SLC44A5: variants seen among roughly 807,000 people sequenced by gnomAD.
SLC44A5 encodes choline transporter-like protein 5.
Under a neutral mutation model 101.8 loss-of-function variants are expected in SLC44A5, and 57 were observed. That is an observed-to-expected ratio of 0.56 (90% confidence interval 0.45 to 0.70). The LOEUF is 0.70. Ranked by LOEUF, SLC44A5 falls within the 30% of genes least tolerant of loss-of-function variation. The pLI is 0.00. For synonymous variants in SLC44A5, 281 were observed against 290.9 expected (o/e 0.97, Z 0.35); for missense variants, 737 against 853.1 (o/e 0.86, Z 1.70).
At chr1:75,488,537 T>A (rs1262246858) in intron 2 of SLC44A5, among the ~76,000 whole-genome samples, 1 of 152,230 alleles carries the variant, frequency 6.6e-6, no homozygotes, top group Non-Finnish European at 1.5e-5. Flanking sequence ...AGTACTGAGT[T>A]AATTTGTGTC....
At chr1:75,606,655 A>G (rs1302100529) in intron 1 of SLC44A5, among the ~76,000 whole-genome samples, 1 of 151,974 alleles carries the variant, frequency 6.6e-6, no homozygotes, top group East Asian at 1.9e-4. Context: ...CACTCAAAGC[A>G]TCATTGCCAC....
intron 2 of SLC44A5, among the ~76,000 whole-genome samples, chr1:75,472,920 TC>T (rs1667187319): frequency 1.3e-5 from 2 of 152,194 alleles, no homozygotes; most frequent in Admixed American, 6.5e-5. Context: ...CATATTATAA[TC>T]TTTGTGGGAT....
the SLC44A5 span, among the ~76,000 whole-genome samples, chr1:75,646,997 G>T: frequency 6.6e-6 from 1 of 152,228 alleles, no homozygotes; most frequent in Non-Finnish European, 1.5e-5. Flanking sequence ...GTAATGAGGA[G>T]CCCAATGTTA....
the SLC44A5 span, among the ~76,000 whole-genome samples, chr1:75,673,686 C>T: frequency 6.6e-6 from 1 of 152,150 alleles, no homozygotes; most frequent in Admixed American, 6.5e-5. Context: ...GTGCTTGTGC[C>T]ATCCTTCCCC....
intron 3 of SLC44A5, among the ~76,000 whole-genome samples, chr1:75,392,720 G>A (rs115647849): frequency 0.017 from 2,598 of 152,128 alleles, 81 homozygotes; most frequent in African/African-American, 0.059. Context: ...TATTGCACCA[G>A]GATTCACAAT....
At chr1:75,280,583 T>G (rs1163989376) in intron 5 of SLC44A5, among the ~76,000 whole-genome samples, 2 of 147,588 alleles carry the variant, frequency 1.4e-5, no homozygotes, top group African/African-American at 5.0e-5. Context: ...GGTCTGGCCT[T>G]GTGTCCCCAC....
At chr1:75,681,909 G>C in the SLC44A5 span, among the ~76,000 whole-genome samples, 2 of 152,218 alleles carry the variant, frequency 1.3e-5, no homozygotes, top group Non-Finnish European at 2.9e-5. Flanking sequence ...CTTCAGCAAA[G>C]TCTCAGGATA....
chr1:75,590,320 A>C, intron 1 of SLC44A5, among the ~76,000 whole-genome samples: 1 of 152,118 alleles, frequency 6.6e-6, no homozygotes, highest in East Asian at 1.9e-4. Context: ...CTGGGCCAGA[A>C]GGTAATCTGC....
chr1:75,309,986 A>T (rs540318257), intron 4 of SLC44A5, among the ~76,000 whole-genome samples: 25 of 152,354 alleles, frequency 1.6e-4, no homozygotes, highest in African/African-American at 5.8e-4. Flanking sequence ...CAGCATTACT[A>T]GTAACAATAG....
At chr1:75,606,075 C>T (rs1375032630) in intron 1 of SLC44A5, among the ~76,000 whole-genome samples, 2 of 151,960 alleles carry the variant, frequency 1.3e-5, no homozygotes, top group African/African-American at 4.8e-5. Flanking sequence ...GGTTGAGAAG[C>T]ATTAGGCTAG....
At chr1:75,312,293 T>C (rs915031013) in intron 4 of SLC44A5, among the ~76,000 whole-genome samples, 1 of 152,130 alleles carries the variant, frequency 6.6e-6, no homozygotes, top group African/African-American at 2.4e-5. Context: ...GGTATGTCTT[T>C]ATTAATAGCA....
intron 1 of SLC44A5, among the ~76,000 whole-genome samples, chr1:75,567,315 G>C (rs1672840537): frequency 6.6e-6 from 1 of 152,142 alleles, no homozygotes; most frequent in South Asian, 2.1e-4. Flanking sequence ...TAGACGTCCT[G>C]TCCTGGCATT....
At chr1:75,272,247 T>C (rs1651537020) in intron 6 of SLC44A5, among the ~76,000 whole-genome samples, 1 of 152,152 alleles carries the variant, frequency 6.6e-6, no homozygotes, top group Non-Finnish European at 1.5e-5. Context: ...GCAAATACTT[T>C]CTCCCACTCT....
intron 4 of SLC44A5, 112 bp downstream of exon 4, chr1:75,339,470 C>T: frequency 1.3e-6 from 1 of 751,248 alleles, no homozygotes; most frequent in Non-Finnish European, 2.2e-6. Flanking sequence ...ATATCATTTT[C>T]CCCTCACAGT....
chr1:75,271,000 C>A (rs1651421638), intron 6 of SLC44A5, among the ~76,000 whole-genome samples: 1 of 152,074 alleles, frequency 6.6e-6, no homozygotes, highest in South Asian at 2.1e-4. Context: ...CCACTTGGTG[C>A]TCTCTTTGTC....
intron 2 of SLC44A5, among the ~76,000 whole-genome samples, chr1:75,432,055 CT>C (rs919682350): frequency 1.3e-5 from 2 of 152,106 alleles, no homozygotes; most frequent in African/African-American, 4.8e-5. Context: ...ATAGGATTCC[CT>C]TGTGACTCCT....
the SLC44A5 span, among the ~76,000 whole-genome samples, chr1:75,616,395 C>T: frequency 1.3e-5 from 2 of 152,236 alleles, no homozygotes; most frequent in South Asian, 4.1e-4. Flanking sequence ...CATCTGGGGC[C>T]GGGAAGGAGA....
In SLC44A5 at chr1:75,225,367, T is replaced by G. The variant is rs536140119; in HGVS notation, c.985+2359A>C. 3.3e-4 allele frequency among the ~76,000 whole-genome samples: 50 copies of G among 152,266 alleles called. 1 individual carries two copies. The highest frequency in any genetic ancestry group is 1.2e-3 in the African/African-American group (48 of 41,566). On this transcript the variant is annotated intron_variant, in intron 13 of 23. Transcript: ENST00000370859. ...TATGATGTTTACACAATGAAAAAAT[T>G]GCCTAACAATGCATTTCTCAGAACG...
upstream of SLC44A5, among the ~76,000 whole-genome samples, chr1:75,614,751 T>C (rs1285457032): frequency 6.6e-6 from 1 of 152,128 alleles, no homozygotes; most frequent in Non-Finnish European, 1.5e-5. Flanking sequence ...ATTGGGCCCA[T>C]TGTGTTGAAA....
Sources: allele counts gnomAD v4.1 joint callset (sites outside exome capture counted in the v4.1 genomes callset), GRCh38; gene constraint gnomAD v4.1.1; transcripts MANE v1.5; gene names NCBI Gene and HGNC (gene_info 2026-07-23, HGNC 2026-07-21).